Variants in FRMPD4 observed in about 807,000 individuals in gnomAD.
The protein encoded by FRMPD4 is FERM and PDZ domain containing 4, also known as FERM and PDZ domain-containing protein 4.
In FRMPD4, 22 loss-of-function variants were observed where a neutral mutation model predicts 94.1. The observed-to-expected ratio is 0.23, with a 90% confidence interval of 0.17 to 0.33. FRMPD4 has a LOEUF of 0.33. Among genes scored for constraint, FRMPD4 ranks in the 10% least tolerant of loss-of-function variants. FRMPD4 has a pLI of 1.00. For synonymous variants in FRMPD4, 631 were observed against 548.6 expected (o/e 1.15, Z -2.10); for missense variants, 1,111 against 1,339.9 (o/e 0.83, Z 2.67).
chrX:12,649,936 T>C (rs751210273), intron 4 of FRMPD4, among the ~76,000 whole-genome samples: 1 of 112,599 alleles, frequency 8.9e-6, no homozygotes, highest in Non-Finnish European at 1.9e-5. Flanking sequence ...CTCTCTCTTC[T>C]TTAAGGAAAG....
intron 1 of FRMPD4, among the ~76,000 whole-genome samples, chrX:12,345,537 T>C (rs1197452713): frequency 9.0e-6 from 1 of 111,705 alleles, no homozygotes; most frequent in African/African-American, 3.3e-5. Flanking sequence ...GGGCTAATGA[T>C]GGTGAGCGCT....
chrX:12,716,001 T>TGGGCA, intron 14 of FRMPD4, 68 bp from the exon 15 acceptor site: 1 of 231,653 alleles, frequency 4.3e-6, no homozygotes, highest in Non-Finnish European at 8.2e-6. Context: ...GAGACGAGCC[T>TGGGCA]CCCACCCCCG....
intron 1 of FRMPD4, among the ~76,000 whole-genome samples, chrX:12,208,763 T>C (rs748117740): frequency 2.4e-4 from 27 of 112,015 alleles, no homozygotes; most frequent in African/African-American, 7.1e-4. Context: ...AACAAATTAT[T>C]TCAGTTAAGC....
intron 3 of FRMPD4, among the ~76,000 whole-genome samples, chrX:12,124,015 T>C (rs964845813): frequency 3.6e-5 from 4 of 111,266 alleles, no homozygotes; most frequent in Non-Finnish European, 7.5e-5. Context: ...GCTACCACTC[T>C]CCCCTATATT....
At chrX:12,606,610 G>A (rs751129800) in intron 2 of FRMPD4, among the ~76,000 whole-genome samples, 1 of 111,249 alleles carries the variant, frequency 9.0e-6, no homozygotes, top group Non-Finnish European at 1.9e-5. Flanking sequence ...CACCAACCTC[G>A]GTTCTAAAAC....
At chrX:12,503,564 A>G (rs1017635488) in intron 2 of FRMPD4, among the ~76,000 whole-genome samples, 2 of 112,149 alleles carry the variant, frequency 1.8e-5, no homozygotes, top group Non-Finnish European at 3.8e-5. Flanking sequence ...CTGCCAATCT[A>G]TTCCATGGTC....
intron 3 of FRMPD4, among the ~76,000 whole-genome samples, chrX:11,943,591 C>A (rs376296896): frequency 9.0e-6 from 1 of 110,760 alleles, no homozygotes; most frequent in South Asian, 3.9e-4. Context: ...AACTGACCCA[C>A]TCCCAAGATA....
At chrX:12,701,789 G>A (rs977871408) in intron 9 of FRMPD4, 85 bp from the exon 10 acceptor site, 2 of 1,009,037 alleles carry the variant, frequency 2.0e-6, no homozygotes, top group Admixed American at 2.4e-5. Flanking sequence ...TGAATCACTC[G>A]GGAAATGTAT....
At chrX:12,172,064 A>G (rs2056234561) in intron 1 of FRMPD4, among the ~76,000 whole-genome samples, 1 of 111,405 alleles carries the variant, frequency 9.0e-6, no homozygotes, top group South Asian at 3.8e-4. Context: ...CAGGTCACCA[A>G]TGCCTGATAG....
At chrX:12,696,318 T>G (rs1753341430) in intron 9 of FRMPD4, among the ~76,000 whole-genome samples, 1 of 111,610 alleles carries the variant, frequency 9.0e-6, no homozygotes, top group Admixed American at 9.5e-5. Context: ...GATGAAAGTT[T>G]CCAGGAATGA....
intron 4 of FRMPD4, among the ~76,000 whole-genome samples, chrX:12,666,492 A>T (rs1040382535): frequency 1.8e-5 from 2 of 111,647 alleles, no homozygotes; most frequent in African/African-American, 6.5e-5. Flanking sequence ...TCTTGGTACC[A>T]CATAGCACTT....
At chrX:12,701,632 C>A (rs191366725) in intron 9 of FRMPD4, among the ~76,000 whole-genome samples, 1 of 112,276 alleles carries the variant, frequency 8.9e-6, no homozygotes, top group Non-Finnish European at 1.9e-5. Context: ...TTACAAAAAG[C>A]TAAATATTTA....
At chrX:12,002,152 T>A (rs1339039223) in intron 3 of FRMPD4, among the ~76,000 whole-genome samples, 1 of 111,806 alleles carries the variant, frequency 8.9e-6, no homozygotes, top group Non-Finnish European at 1.9e-5. Flanking sequence ...ATGCATTCTG[T>A]AGAGCATTTA....
intron 5 of FRMPD4, among the ~76,000 whole-genome samples, chrX:12,680,220 G>T (rs906813874): frequency 8.9e-6 from 1 of 112,091 alleles, no homozygotes; most frequent in Non-Finnish European, 1.9e-5. Flanking sequence ...TACAGGGGTT[G>T]ATTAGGGGCC....
intron 1 of FRMPD4, among the ~76,000 whole-genome samples, chrX:12,305,725 G>GTTTTTTTTTTTTTTT (rs58794898): frequency 0.041 from 2,415 of 59,599 alleles, 229 homozygotes; most frequent in East Asian, 0.15. Context: ...AGCTGGCTAA[G>GTTTTTTTTTTTTTTT]TTTTTTTTTT....
At chrX:12,423,854 C>G (rs1239833568) in intron 1 of FRMPD4, among the ~76,000 whole-genome samples, 1 of 111,228 alleles carries the variant, frequency 9.0e-6, no homozygotes, top group Non-Finnish European at 1.9e-5. Context: ...CTTTCTGTGC[C>G]CAATAATCTC....
intron 1 of FRMPD4, among the ~76,000 whole-genome samples, chrX:12,231,030 G>GTATATATA (rs56948982): frequency 3.8e-5 from 1 of 26,410 alleles, no homozygotes; most frequent in African/African-American, 1.2e-4. Context: ...TATATATATA[G>GTATATATA]TATATATATA....
chrX:11,874,278 G>A (rs1170752352), intron 2 of FRMPD4, among the ~76,000 whole-genome samples: 1 of 111,790 alleles, frequency 8.9e-6, no homozygotes, highest in Non-Finnish European at 1.9e-5. Flanking sequence ...AGCCCCTCCT[G>A]TAGCTGGGAT....
chrX:12,025,849 A>C (rs2054657760), intron 3 of FRMPD4, among the ~76,000 whole-genome samples: 2 of 111,818 alleles, frequency 1.8e-5, no homozygotes, highest in South Asian at 7.5e-4. Flanking sequence ...TACTGCTGAC[A>C]CCTCAATTGC....
Sources: gnomAD v4.1 joint callset for allele counts (sites outside exome capture counted in the v4.1 genomes callset) on GRCh38, gnomAD v4.1.1 for gene constraint, MANE v1.5 for transcripts, NCBI Gene and HGNC (gene_info 2026-07-23, HGNC 2026-07-21) for gene names.